Variants in ARNT2 observed in about 807,000 individuals in gnomAD.
ARNT2 encodes the protein aryl hydrocarbon receptor nuclear translocator 2.
A neutral mutation model predicts 91.7 loss-of-function variants in ARNT2; 36 were observed. That is an observed-to-expected ratio of 0.39 (90% confidence interval 0.30 to 0.52). The LOEUF is 0.52. ARNT2 is among the 20% of genes least tolerant of loss of function. The pLI is 0.72. For synonymous variants in ARNT2, 365 were observed against 347.1 expected, an observed-to-expected ratio of 1.05 and a Z score of -0.57; for missense variants, 775 against 939.3, an observed-to-expected ratio of 0.83 and a Z score of 2.29.
At chr15:80,458,717 TG>T (rs1896513529) in intron 3 of ARNT2, among the ~76,000 whole-genome samples, 1 of 152,048 alleles carries the variant, frequency 6.6e-6, no homozygotes, top group Non-Finnish European at 1.5e-5. Context: ...TTGGCAGTGT[TG>T]ACAGGAAGGC....
chr15:80,580,324 C>T, intron 15 of ARNT2, 87 bp from the exon 16 acceptor site: 1 of 1,523,934 alleles, frequency 6.6e-7, no homozygotes, highest in Middle Eastern at 2.2e-4. Context: ...GGAAGATGGC[C>T]CAGGGCAGAT....
chr15:80,487,580 T>G lies in ARNT2; in HGVS notation c.622+12357T>G, dbSNP rs1372702434. Among the ~76,000 whole-genome samples the G allele has an allele frequency of 3.9e-5, 6 of 152,224 alleles. No individual in the cohort carries two copies. The East Asian group carries it at 1.2e-3, about 29-fold the overall frequency. On this transcript the variant is annotated intron_variant, in intron 5 of 18. Transcript: ENST00000303329. ...GGCCTGGCTCTGACAGCCTGCAAGG[T>G]ACGGGCTCAGTTTCCAGATGTTGGA...
At chr15:80,450,786 G>T (rs572817612) in intron 1 of ARNT2, 94 bp from the exon 2 acceptor site, 5 of 1,233,918 alleles carry the variant, frequency 4.1e-6, no homozygotes, top group Non-Finnish European at 4.8e-6. Flanking sequence ...GGCTCTCTGC[G>T]CAGGTGGTGC....
intron 9 of ARNT2, 51 bp from the exon 10 acceptor site, chr15:80,552,589 C>T (rs771453137): frequency 6.3e-7 from 1 of 1,593,104 alleles, no homozygotes; most frequent in South Asian, 1.1e-5. Context: ...GTCACCATCT[C>T]CATCTCGTCT....
intron 6 of ARNT2, among the ~76,000 whole-genome samples, chr15:80,511,039 G>A (rs1181400263): frequency 2.0e-5 from 3 of 152,014 alleles, no homozygotes; most frequent in Non-Finnish European, 2.9e-5. Context: ...TATACCCAAA[G>A]AACTATAAAT....
chr15:80,533,026 A>G (rs1897763480), intron 8 of ARNT2, among the ~76,000 whole-genome samples: 1 of 152,206 alleles, frequency 6.6e-6, no homozygotes, highest in Admixed American at 6.5e-5. Context: ...CAGGAACAGA[A>G]GCACTGTGTG....
chr15:80,468,733 G>A (rs1265522779), intron 3 of ARNT2, among the ~76,000 whole-genome samples: 1 of 152,200 alleles, frequency 6.6e-6, no homozygotes, highest in African/African-American at 2.4e-5. Flanking sequence ...ACTATGCAAG[G>A]TGTATGTTTT....
intron 1 of ARNT2, among the ~76,000 whole-genome samples, chr15:80,437,442 G>T (rs112621457): frequency 6.6e-6 from 1 of 151,836 alleles, no homozygotes; most frequent in Admixed American, 6.6e-5. Flanking sequence ...ATATTTTACC[G>T]TGCACATTTA....
intron 1 of ARNT2, among the ~76,000 whole-genome samples, chr15:80,411,226 C>T (rs973269542): frequency 5.9e-5 from 9 of 152,174 alleles, no homozygotes; most frequent in East Asian, 1.9e-4. Context: ...TGGAGCACTT[C>T]GCCTCATGTA....
intron 5 of ARNT2, among the ~76,000 whole-genome samples, chr15:80,495,340 C>T (rs1897111995): frequency 6.6e-6 from 1 of 152,220 alleles, no homozygotes; most frequent in Non-Finnish European, 1.5e-5. Context: ...TACACAGGAG[C>T]TCTCCCGACA....
chr15:80,581,036 A>G (rs1898787732), intron 16 of ARNT2: 2 of 625,836 alleles, frequency 3.2e-6, no homozygotes, highest in Non-Finnish European at 5.5e-6. Flanking sequence ...AACTTCAACC[A>G]GACGTGCCCC....
chr15:80,451,083 C>T, intron 2 of ARNT2, 89 bp downstream of exon 2: 1 of 1,247,652 alleles, frequency 8.0e-7, no homozygotes. Flanking sequence ...TCTCCCCTTC[C>T]TGTAGAATAA....
intron 5 of ARNT2, among the ~76,000 whole-genome samples, chr15:80,483,506 G>A (rs1338276499): frequency 6.6e-6 from 1 of 152,160 alleles, no homozygotes; most frequent in African/African-American, 2.4e-5. Context: ...GCTATCTAGG[G>A]CAGAGGCTGA....
chr15:80,529,267 G>C (rs1487538897), intron 8 of ARNT2, among the ~76,000 whole-genome samples: 7 of 152,160 alleles, frequency 4.6e-5, no homozygotes, highest in African/African-American at 1.7e-4. Flanking sequence ...TTTCAGACTT[G>C]AGTCACTTCT....
At chr15:80,428,616 G>C (rs1273034141) in intron 1 of ARNT2, among the ~76,000 whole-genome samples, 2 of 152,236 alleles carry the variant, frequency 1.3e-5, no homozygotes, top group Non-Finnish European at 2.9e-5. Context: ...CAGACTTTAA[G>C]CCAGTCTTCC....
intron 6 of ARNT2, among the ~76,000 whole-genome samples, chr15:80,511,823 G>C (rs527294708): frequency 6.6e-6 from 1 of 152,030 alleles, no homozygotes; most frequent in East Asian, 1.9e-4. Context: ...AAGAAGAGAG[G>C]GCAAAGGGAA....
At chr15:80,524,936 A>G (rs925043487) in intron 8 of ARNT2, among the ~76,000 whole-genome samples, 1 of 152,140 alleles carries the variant, frequency 6.6e-6, no homozygotes, top group Admixed American at 6.5e-5. Context: ...TCTATAAAAC[A>G]TGCACTTCAT....
chr15:80,495,177 G>A (rs896980850), intron 5 of ARNT2, among the ~76,000 whole-genome samples: 2 of 152,120 alleles, frequency 1.3e-5, no homozygotes, highest in Non-Finnish European at 2.9e-5. Context: ...TCCTTGCTCA[G>A]GAACGCAAGA....
intron 1 of ARNT2, among the ~76,000 whole-genome samples, chr15:80,426,847 A>C (rs1005746869): frequency 2.6e-5 from 4 of 152,122 alleles, no homozygotes; most frequent in African/African-American, 9.7e-5. Flanking sequence ...GGGCCAGCTG[A>C]TTCGATTCCT....
Sources: allele counts gnomAD v4.1 joint callset (sites outside exome capture counted in the v4.1 genomes callset), GRCh38; gene constraint gnomAD v4.1.1; transcripts MANE v1.5; gene names NCBI Gene and HGNC (gene_info 2026-07-23, HGNC 2026-07-21).